Variants in TMEM114 observed in about 807,000 individuals in gnomAD.
The protein encoded by TMEM114 is claudin-26.
Under a neutral mutation model 6.2 loss-of-function variants are expected in TMEM114, and 6 were observed. The ratio of observed to expected loss-of-function variants is 0.97; its 90% CI spans 0.53 to 1.91. The LOEUF (loss-of-function observed/expected upper bound fraction) is 1.91. Ranked by LOEUF, TMEM114 falls within the 40% of genes most tolerant of loss-of-function variation. The pLI is 0.01. For missense variants in TMEM114, 218 were observed against 158.3 expected, an observed-to-expected ratio of 1.38 and a Z score of -2.02; for synonymous variants, 104 against 73.0, an observed-to-expected ratio of 1.42 and a Z score of -2.16.
In TMEM114 at chr16:8,590,039, C is replaced by T. The variant is rs1277139470; in HGVS notation, c.-201G>A. The T allele has an allele frequency of 2.9e-5, 11 of 379,498 alleles. No individual in the cohort carries two copies. The highest frequency in any genetic ancestry group is 1.5e-4 in the South Asian group (1 of 6,878). 23.5% of individuals were successfully genotyped at this position (379,498 alleles called of 1,614,324 possible). ...CCTCACCTGCCGGCTCCGACCTGCA[C>T]GCGCCCCCCGCTCAGCCGCCGTCCA... On this transcript the variant is annotated 5_prime_UTR_variant, in exon 1 of 4. The change creates a new upstream start codon in the 5' untranslated region. Transcript: ENST00000620492.
At chr16:8,564,829 TGGA>T (rs1901473292), downstream of TMEM114, among the ~76,000 whole-genome samples, 2 of 70,744 alleles carry the variant, frequency 2.8e-5, no homozygotes, top group African/African-American at 5.3e-5. Context: ...GAGTGAGTGA[TGGA>T]GGGAATGAGT....
At chr16:8,542,145 G>A (rs4486871) in intron 2 of TMEM114, among the ~76,000 whole-genome samples, 2 of 150,614 alleles carry the variant, frequency 1.3e-5, no homozygotes, top group African/African-American at 2.4e-5. Context: ...TGATTCGTGG[G>A]GGGGGGTCCC....
chr16:8,559,938 G>T (rs754789162), intron 2 of TMEM114, among the ~76,000 whole-genome samples: 1 of 152,176 alleles, frequency 6.6e-6, no homozygotes, highest in Non-Finnish European at 1.5e-5. Flanking sequence ...GGCTTAGCTG[G>T]GCACTCAGAA....
At chr16:8,555,976 C>G (rs939637091) in intron 2 of TMEM114, among the ~76,000 whole-genome samples, 2 of 152,246 alleles carry the variant, frequency 1.3e-5, no homozygotes, top group Non-Finnish European at 2.9e-5. Flanking sequence ...GTCTGAAGCG[C>G]TGTCTTCCAG....
At chr16:8,582,192 T>C (rs1358228834) in intron 2 of TMEM114, among the ~76,000 whole-genome samples, 1 of 152,178 alleles carries the variant, frequency 6.6e-6, no homozygotes, top group Non-Finnish European at 1.5e-5. Flanking sequence ...GGGCATGCTG[T>C]GTTGGACAAG....
intron 2 of TMEM114, among the ~76,000 whole-genome samples, chr16:8,546,696 C>G (rs1900677215): frequency 1.3e-5 from 2 of 152,192 alleles, no homozygotes; most frequent in African/African-American, 4.8e-5. Context: ...ACCAGATACC[C>G]CTACCAGATC....
chr16:8,530,184 C>A, the TMEM114 span, among the ~76,000 whole-genome samples: 2 of 152,200 alleles, frequency 1.3e-5, no homozygotes, highest in African/African-American at 4.8e-5. Context: ...CCTCTAATCT[C>A]ACCTGATAGC....
chr16:8,543,647 T>C, intron 2 of TMEM114, among the ~76,000 whole-genome samples: 1 of 152,054 alleles, frequency 6.6e-6, no homozygotes, highest in African/African-American at 2.4e-5. Flanking sequence ...ACAGCCAAGG[T>C]TTCTGCCTTG....
At chr16:8,572,257 G>A (rs1018624314) in intron 2 of TMEM114, 33 bp from the exon 3 acceptor site, 1 of 1,551,402 alleles carries the variant, frequency 6.4e-7, no homozygotes, top group East Asian at 2.4e-5. Context: ...CCAGGCAGAG[G>A]ACAGTTACTA....
rs1232973643 is a variant in TMEM114 at position 8,569,914 on chromosome 16, G to A, written c.531C>T (p.Leu177=). The change falls in exon 4 of 4, where the codon CTC becomes CTT. Residue 177 remains leucine, a synonymous_variant. Coordinates refer to ENST00000620492, the MANE Select transcript of TMEM114 (RefSeq NM_001146336.2). ...CGAAGCTGATGTCCACCTGGTCCAG[G>A]AGGGCCTTCTCCTCCAAGAGACACA... is the stretch of plus-strand genomic sequence containing the variant. ...EALCLLEEKA[L]LDQVDISFGW... 6.4e-7 allele frequency: 1 copy of A among 1,551,232 alleles called. No homozygotes were observed. The highest frequency in any genetic ancestry group is 8.7e-7 in the Non-Finnish European group (1 of 1,146,958).
At chr16:8,559,606 G>C (rs77827739) in intron 2 of TMEM114, among the ~76,000 whole-genome samples, 4,856 of 152,278 alleles carry the variant, frequency 0.032, 266 homozygotes, top group African/African-American at 0.11. Context: ...AGTCATCAAA[G>C]CGTTGTTTCT....
chr16:8,587,662 TTG>T (rs1223515517), intron 2 of TMEM114, among the ~76,000 whole-genome samples: 6 of 152,228 alleles, frequency 3.9e-5, no homozygotes, highest in Non-Finnish European at 8.8e-5. Context: ...TGCTAGGCAC[TTG>T]TCTTTATTTT....
chr16:8,531,307 C>G, the TMEM114 span, among the ~76,000 whole-genome samples: 1 of 152,164 alleles, frequency 6.6e-6, no homozygotes, highest in Non-Finnish European at 1.5e-5. Flanking sequence ...ATTTGCATTG[C>G]AAAATTCAAT....
Position 8,583,897 on chromosome 16 carries a change from C to G in TMEM114, c.301+5316G>C, listed in dbSNP as rs76273332. ...GACCAATCCTCCCCACCTTCCCACC[C>G]TTATCTGTGGAGCTGATCCCAACCC... On this transcript the variant is annotated intron_variant, in intron 2 of 3. Transcript: ENST00000620492. Among the ~76,000 whole-genome samples, 1,072 of 152,296 alleles carry G rather than the reference C, an allele frequency of 7.0e-3. 15 individuals are homozygous for G. The highest frequency in any genetic ancestry group is 0.024 in the African/African-American group (999 of 41,548).
chr16:8,539,114 G>A (rs777293986), intron 2 of TMEM114, among the ~76,000 whole-genome samples: 2 of 151,978 alleles, frequency 1.3e-5, no homozygotes, highest in Non-Finnish European at 2.9e-5. Context: ...TTTTCAGTTT[G>A]GGTGTTCGGT....
downstream of TMEM114, among the ~76,000 whole-genome samples, chr16:8,567,392 A>G (rs1386539408): frequency 6.6e-6 from 1 of 152,184 alleles, no homozygotes; most frequent in Non-Finnish European, 1.5e-5. Context: ...GTATCTGGCA[A>G]GCATTTATCA....
At chr16:8,529,964 C>T in the TMEM114 span, among the ~76,000 whole-genome samples, 5 of 152,280 alleles carry the variant, frequency 3.3e-5, no homozygotes, top group African/African-American at 1.2e-4. Flanking sequence ...CATCACTTCA[C>T]CAGGTAGTTC....
downstream of TMEM114, among the ~76,000 whole-genome samples, chr16:8,535,764 C>G (rs1900338529): frequency 1.3e-5 from 2 of 152,192 alleles, no homozygotes; most frequent in South Asian, 2.1e-4. Flanking sequence ...GTATGGGAGA[C>G]TCACTGCGTA....
At chr16:8,540,598 A>AAGAACAGGTGAAGT (rs143005197) in intron 2 of TMEM114, among the ~76,000 whole-genome samples, 5,025 of 146,404 alleles carry the variant, frequency 0.034, 277 homozygotes, top group African/African-American at 0.12. Context: ...GGGAGTTGAT[A>AAGAACAGGTGAAGT]AGAACAGGTG....
Sources: allele counts gnomAD v4.1 joint callset (sites outside exome capture counted in the v4.1 genomes callset), GRCh38; gene constraint gnomAD v4.1.1; transcripts MANE v1.5; gene names NCBI Gene and HGNC (gene_info 2026-07-23, HGNC 2026-07-21).